The following MSTO1 variants were observed in gnomAD, a reference collection of about 807,000 sequenced individuals.
MSTO1 encodes the protein misato mitochondrial distribution and morphology regulator 1, also known as protein misato homolog 1.
A neutral mutation model predicts 55.7 loss-of-function variants in MSTO1; 24 were observed. That is an observed-to-expected ratio of 0.43 (90% CI 0.31 to 0.61). MSTO1 has a LOEUF of 0.61. MSTO1 is among the 20% of genes least tolerant of loss of function. The pLI is 0.09. For synonymous variants in MSTO1, 162 were observed against 252.8 expected, an observed-to-expected ratio of 0.64 and a Z score of 3.41; for missense variants, 363 against 625.7, an observed-to-expected ratio of 0.58 and a Z score of 4.48.
upstream of MSTO1, among the ~76,000 whole-genome samples, chr1:155,609,243 A>ATATATATATATATATATATTTTT (rs59756178): frequency 5.5e-5 from 3 of 54,572 alleles, no homozygotes; most frequent in Admixed American, 3.9e-4. Flanking sequence ...ATATATATAT[A>ATATATATATATATATATATTTTT]TTTTTTTTTT....
the MSTO1 span, among the ~76,000 whole-genome samples, chr1:155,594,850 T>G: frequency 6.6e-6 from 1 of 152,124 alleles, no homozygotes; most frequent in Admixed American, 6.6e-5. Flanking sequence ...AGATGCTAAT[T>G]AAAGGCTAGG....
At chr1:155,590,600 G>A in the MSTO1 span, 1 of 1,309,670 alleles carries the variant, frequency 7.6e-7, no homozygotes, top group Non-Finnish European at 1.1e-6. Context: ...TCACTTCCAT[G>A]TCAGACGTAA....
At chr1:155,563,290 T>C in the MSTO1 span, 1 of 456,128 alleles carries the variant, frequency 2.2e-6, no homozygotes, top group Non-Finnish European at 4.4e-6. Flanking sequence ...AGGCGGTGTG[T>C]GCCGGTCGCC....
chr1:155,603,893 C>CT, the MSTO1 span, among the ~76,000 whole-genome samples: 1 of 151,198 alleles, frequency 6.6e-6, no homozygotes, highest in African/African-American at 2.4e-5. Flanking sequence ...AAAACAACAA[C>CT]TTTTTTTTTG....
Position 155,610,431 on chromosome 1 carries a change from G to A in MSTO1, c.91G>A (p.Ala31Thr). ...GAHWWNQQDA[A>T]LGRATDSKEP... Reference sequence around the variant, plus strand: ...GTCCTCTCTGCTTCCCCAGGATGCTGCGCTGGGCCGAGCGACCGATTCCAA... The same window carrying A: ...GTCCTCTCTGCTTCCCCAGGATGCTACGCTGGGCCGAGCGACCGATTCCAA... Residue 31 changes from alanine (A) to threonine (T), a missense_variant, in exon 2 of 14, where the codon GCG becomes ACG. By Grantham distance (58) the Ala-to-Thr change is moderately conservative. Transcript: ENST00000245564. 1 of 867,682 alleles carries A rather than the reference G, an allele frequency of 1.2e-6. No homozygotes were observed. The highest frequency in any genetic ancestry group is 1.8e-6 in the Non-Finnish European group (1 of 562,370). 53.7% of individuals were successfully genotyped at this position (867,682 alleles called of 1,614,324 possible).
upstream of MSTO1, among the ~76,000 whole-genome samples, chr1:155,608,942 G>T (rs985195525): frequency 1.3e-3 from 192 of 148,758 alleles, no homozygotes; most frequent in Non-Finnish European, 2.0e-3. Flanking sequence ...CCCTGACTCA[G>T]CCTCCTGAGC....
the MSTO1 span, among the ~76,000 whole-genome samples, chr1:155,593,705 A>G: frequency 6.6e-6 from 1 of 152,348 alleles, no homozygotes; most frequent in African/African-American, 2.4e-5. Flanking sequence ...GCGGTGGCTC[A>G]CGCCCATAAT....
At chr1:155,585,871 C>T in the MSTO1 span, among the ~76,000 whole-genome samples, 2 of 152,024 alleles carry the variant, frequency 1.3e-5, no homozygotes, top group African/African-American at 4.8e-5. Flanking sequence ...CATTCTCTTG[C>T]CTTTTTGTTT....
the MSTO1 span, among the ~76,000 whole-genome samples, chr1:155,567,368 G>A: frequency 1.4e-5 from 2 of 143,848 alleles, no homozygotes; most frequent in Non-Finnish European, 3.0e-5. Context: ...CGGGAGTGCT[G>A]TGGCGCGATC....
chr1:155,613,102 T>G lies in MSTO1; in HGVS notation c.1152T>G (p.Leu384=), dbSNP rs776939482. The G allele has an allele frequency of 1.1e-5, 18 of 1,613,878 alleles. No individual in the cohort carries two copies. Among genetic ancestry groups the G allele is most frequent in the Non-Finnish European group, 1.5e-5 (18 of 1,180,000 alleles). ...TCCCCTTGGCTCCAGGCCAGTCCCTTCCTGATTCCCTGATGCAGTTTGGAG... is the reference window on the plus strand; with the variant it reads ...TCCCCTTGGCTCCAGGCCAGTCCCTGCCTGATTCCCTGATGCAGTTTGGAG... The part of the protein sequence containing the change: ...IPFPLAPGQS[L]PDSLMQFGGA... The change falls in exon 11 of 14, where the codon CTT becomes CTG. Residue 384 remains leucine, a synonymous_variant. Transcript: ENST00000245564.
Position 155,613,512 on chromosome 1 carries a change from C to T in MSTO1, c.1334C>T (p.Thr445Ile), listed in dbSNP as rs757758173. The change falls in exon 12 of 14, where the codon ACT becomes ATT. Residue 445 changes from threonine to isoleucine, a missense_variant. Around this residue, in one of 3 missense-constraint regions of MSTO1, gnomAD observed 231 missense variants for 286.9 expected, o/e 0.81. Transcript: ENST00000245564. ...PPPSALHACT[T>I]GEEILAQYLQ... ...CCCTCTGCCCTTCATGCATGTACCA[C>T]TGGGGAAGAAATCTTGGCTCAGTAT... 1 of 1,613,620 alleles carries T rather than the reference C, an allele frequency of 6.2e-7. No homozygotes were observed. Among genetic ancestry groups the T allele is most frequent in the Non-Finnish European group, 8.5e-7 (1 of 1,179,876 alleles).
upstream of MSTO1, among the ~76,000 whole-genome samples, chr1:155,608,496 CTTTT>C (rs769788957): frequency 3.8e-5 from 5 of 132,772 alleles, no homozygotes; most frequent in Admixed American, 2.3e-4. Flanking sequence ...TGCCTTATCT[CTTTT>C]TTTTTTTTTT....
At chr1:155,587,342 A>C in the MSTO1 span, among the ~76,000 whole-genome samples, 3 of 150,840 alleles carry the variant, frequency 2.0e-5, no homozygotes, top group South Asian at 6.3e-4. Flanking sequence ...CCAGAGGCTG[A>C]AGCAGGAGAA....
At chr1:155,604,634 G>C in the MSTO1 span, among the ~76,000 whole-genome samples, 125 of 152,308 alleles carry the variant, frequency 8.2e-4, 1 homozygote, top group African/African-American at 2.9e-3. Flanking sequence ...CCAGCACTTT[G>C]GGAGGCCGAG....
the MSTO1 span, among the ~76,000 whole-genome samples, chr1:155,574,303 G>A: frequency 1.2e-3 from 190 of 152,226 alleles, 2 homozygotes; most frequent in African/African-American, 4.4e-3. Context: ...CCAAGATCAC[G>A]TCATCACACT....
the MSTO1 span, among the ~76,000 whole-genome samples, chr1:155,584,545 T>G: frequency 6.6e-6 from 1 of 150,544 alleles, no homozygotes; most frequent in Non-Finnish European, 1.5e-5. Context: ...GCAATGGGCA[T>G]GTATGGTCCC....
At chr1:155,610,077 G>C (rs1430385351), upstream of MSTO1, 3 of 675,424 alleles carry the variant, frequency 4.4e-6, no homozygotes. Context: ...ACTGGGCCAC[G>C]TCTAGGAAGA....
upstream of MSTO1, among the ~76,000 whole-genome samples, chr1:155,609,243 A>ATAT (rs59756178): frequency 1.9e-3 from 101 of 54,582 alleles, 2 homozygotes; most frequent in African/African-American, 7.0e-3. Flanking sequence ...ATATATATAT[A>ATAT]TTTTTTTTTT....
chr1:155,571,431 C>A, the MSTO1 span, among the ~76,000 whole-genome samples: 1 of 152,042 alleles, frequency 6.6e-6, no homozygotes, highest in Non-Finnish European at 1.5e-5. Flanking sequence ...AGATTGGACA[C>A]CCCTGCTGTA....
Sources: allele counts gnomAD v4.1 joint callset (sites outside exome capture counted in the v4.1 genomes callset), GRCh38; gene constraint gnomAD v4.1.1; regional missense constraint gnomAD v4.1.1; transcripts MANE v1.5; gene names NCBI Gene and HGNC (gene_info 2026-07-23, HGNC 2026-07-21).